The following ERC2 variants were observed in gnomAD, a reference collection of about 807,000 sequenced individuals.
The protein encoded by ERC2 is ELKS/RAB6-interacting/CAST family member 2.
Under a neutral mutation model 114.8 loss-of-function variants are expected in ERC2, and 42 were observed. The observed-to-expected ratio is 0.37, with a 90% CI of 0.29 to 0.47. ERC2 has a LOEUF of 0.47. Ranked by LOEUF, ERC2 falls within the 20% of genes least tolerant of loss-of-function variation. The pLI, the probability that ERC2 is intolerant of heterozygous loss-of-function variation, is 0.99. For synonymous variants in ERC2, 454 were observed against 425.5 expected, an observed-to-expected ratio of 1.07 and a Z score of -0.82; for missense variants, 939 against 1,150.7, an observed-to-expected ratio of 0.82 and a Z score of 2.66.
intron 2 of ERC2, among the ~76,000 whole-genome samples, chr3:56,322,695 C>CACAA (rs748281582): frequency 5.9e-5 from 9 of 151,920 alleles, no homozygotes; most frequent in Admixed American, 2.6e-4. Flanking sequence ...CAGGCTGCAG[C>CACAA]ACAAGGAGGG....
intron 2 of ERC2, among the ~76,000 whole-genome samples, chr3:56,374,171 A>G (rs34825657): frequency 0.22 from 32,921 of 152,138 alleles, 4,464 homozygotes; most frequent in Non-Finnish European, 0.29. Context: ...ATCTCAGCTC[A>G]CTGTAACCTC....
At chr3:56,256,676 G>A (rs1185229393) in intron 3 of ERC2, among the ~76,000 whole-genome samples, 3 of 152,112 alleles carry the variant, frequency 2.0e-5, no homozygotes, top group African/African-American at 7.2e-5. Context: ...GGAGGGACCT[G>A]TAATCCCCAT....
intron 14 of ERC2, among the ~76,000 whole-genome samples, chr3:55,809,710 T>C (rs2059641538): frequency 6.6e-6 from 1 of 152,126 alleles, no homozygotes; most frequent in Non-Finnish European, 1.5e-5. Context: ...AGTATCAAAG[T>C]CCCCACTGGG....
At chr3:55,527,818 C>T (rs768373172) in intron 17 of ERC2, among the ~76,000 whole-genome samples, 5 of 152,158 alleles carry the variant, frequency 3.3e-5, no homozygotes, top group Non-Finnish European at 7.3e-5. Flanking sequence ...GAGACTTGGG[C>T]ACTATTTCAT....
At chr3:55,911,502 G>GCTAT (rs1458572950) in intron 13 of ERC2, among the ~76,000 whole-genome samples, 2 of 152,268 alleles carry the variant, frequency 1.3e-5, no homozygotes, top group East Asian at 3.9e-4. Context: ...CCAGTCAACG[G>GCTAT]CTATATGTCT....
chr3:56,001,181 G>A (rs2072025098), intron 10 of ERC2, among the ~76,000 whole-genome samples: 2 of 152,064 alleles, frequency 1.3e-5, no homozygotes, highest in South Asian at 4.2e-4. Context: ...AAGAAAAAGA[G>A]AGAAGAAGAA....
intron 1 of ERC2, among the ~76,000 whole-genome samples, chr3:56,453,964 A>C (rs1187887311): frequency 6.6e-6 from 1 of 152,186 alleles, no homozygotes; most frequent in Non-Finnish European, 1.5e-5. Context: ...ATCCAGCTGT[A>C]ACTGACCCAA....
At chr3:55,575,004 C>T (rs1411043043) in intron 17 of ERC2, among the ~76,000 whole-genome samples, 1 of 151,970 alleles carries the variant, frequency 6.6e-6, no homozygotes, top group Non-Finnish European at 1.5e-5. Flanking sequence ...AGAAGGTGCA[C>T]TTTCTTTCTT....
At chr3:56,130,956 C>T (rs1379971490) in intron 6 of ERC2, among the ~76,000 whole-genome samples, 1 of 152,152 alleles carries the variant, frequency 6.6e-6, no homozygotes, top group African/African-American at 2.4e-5. Flanking sequence ...GTTTTCACAT[C>T]ATTAATAAAA....
At chr3:55,848,332 A>C (rs2061446638) in intron 14 of ERC2, among the ~76,000 whole-genome samples, 1 of 151,938 alleles carries the variant, frequency 6.6e-6, no homozygotes, top group Admixed American at 6.6e-5. Context: ...TTTCCTAATT[A>C]TTCTTCTCCA....
At chr3:55,772,390 C>A (rs939405918) in intron 14 of ERC2, among the ~76,000 whole-genome samples, 1 of 152,082 alleles carries the variant, frequency 6.6e-6, no homozygotes, top group Non-Finnish European at 1.5e-5. Flanking sequence ...TCTCGGCTCA[C>A]TGCAAGCTCC....
chr3:55,801,268 G>A (rs529649917), intron 14 of ERC2, among the ~76,000 whole-genome samples: 8 of 152,260 alleles, frequency 5.3e-5, no homozygotes, highest in East Asian at 1.9e-4. Context: ...GGTAATTCCC[G>A]GACCTGGGTA....
At chr3:55,929,725 C>G (rs574104428) in intron 13 of ERC2, among the ~76,000 whole-genome samples, 11 of 152,296 alleles carry the variant, frequency 7.2e-5, no homozygotes, top group Middle Eastern at 3.4e-3. Context: ...GGACTTCCCC[C>G]TTGCTGTTCT....
chr3:55,845,376 C>T (rs1033046917), intron 14 of ERC2, among the ~76,000 whole-genome samples: 9 of 150,668 alleles, frequency 6.0e-5, no homozygotes, highest in Admixed American at 1.3e-4. Flanking sequence ...TAGTGGCGGG[C>T]GCCTGTAGTC....
At chr3:55,548,148 G>A (rs2054890995) in intron 17 of ERC2, among the ~76,000 whole-genome samples, 1 of 152,212 alleles carries the variant, frequency 6.6e-6, no homozygotes, top group Non-Finnish European at 1.5e-5. Flanking sequence ...TGAATGCCAG[G>A]CTGAAGTGAC....
Position 55,951,222 on chromosome 3 carries a change from T to C in ERC2, c.2268-662A>G, listed in dbSNP as rs559674119. Among the ~76,000 whole-genome samples, 238 of 152,348 alleles carry C rather than the reference T, an allele frequency of 1.6e-3. 1 individual carries two copies. Among genetic ancestry groups the C allele is most frequent in the Non-Finnish European group, 2.9e-3 (196 of 68,036 alleles). The stretch of plus-strand genomic sequence containing the variant: ...CATTTATTTTCTTCTAATTGGTTGC[T>C]GTTCTAATTATTATTATTATTCTTT... On this transcript the variant is annotated intron_variant, in intron 12 of 17. Coordinates refer to ENST00000288221, the MANE Select transcript of ERC2 (RefSeq NM_015576.3).
chr3:55,837,322 C>G (rs1397136993), intron 14 of ERC2, among the ~76,000 whole-genome samples: 2 of 152,076 alleles, frequency 1.3e-5, no homozygotes, highest in Non-Finnish European at 2.9e-5. Context: ...TATTGCAGCA[C>G]TATTCACAAT....
In ERC2 at chr3:55,683,832, G is replaced by A. The variant is rs375029883; in HGVS notation, c.*1C>T. Reference sequence around the variant, plus strand: ...ACTGGAACTTTGGTTTACAGGCCCGGCTATGCCCATATGCCCTCCTCGTCA... The same window carrying A: ...ACTGGAACTTTGGTTTACAGGCCCGACTATGCCCATATGCCCTCCTCGTCA... On this transcript the variant is annotated 3_prime_UTR_variant, in exon 17 of 18. Transcript: ENST00000288221. The A allele has an allele frequency of 2.5e-6, 4 of 1,612,724 alleles. No homozygotes were observed. Among genetic ancestry groups the A allele is most frequent in the Non-Finnish European group, 3.4e-6 (4 of 1,179,352 alleles).
At chr3:56,019,167 C>A in intron 7 of ERC2, 136 bp from the exon 8 acceptor site, 1 of 674,748 alleles carries the variant, frequency 1.5e-6, no homozygotes. Flanking sequence ...TTGACTTAGA[C>A]AAAAGGCCAT....
Sources: allele counts gnomAD v4.1 joint callset (sites outside exome capture counted in the v4.1 genomes callset), GRCh38; gene constraint gnomAD v4.1.1; transcripts MANE v1.5; gene names NCBI Gene and HGNC (gene_info 2026-07-23, HGNC 2026-07-21).